Variants in LARP4B observed in about 807,000 individuals in gnomAD.
The protein encoded by LARP4B is la-related protein 4B.
LARP4B carries 12 observed loss-of-function variants against 89.8 expected under a neutral mutation model. That is an observed-to-expected ratio of 0.13 (90% CI 0.09 to 0.22). LARP4B has a LOEUF of 0.22. Among genes scored for constraint, LARP4B ranks in the 10% least tolerant of loss-of-function variants. LARP4B has a pLI of 1.00. For missense variants in LARP4B, 757 were observed against 947.7 expected, an observed-to-expected ratio of 0.80 and a Z score of 2.64; for synonymous variants, 367 against 363.3, an observed-to-expected ratio of 1.01 and a Z score of -0.12.
At chr10:840,052 T>C (rs556608006) in intron 7 of LARP4B, among the ~76,000 whole-genome samples, 1 of 152,106 alleles carries the variant, frequency 6.6e-6, no homozygotes, top group African/African-American at 2.4e-5. Context: ...TACATCAAAT[T>C]TGTAAACACT....
At chr10:933,078 C>G (rs1024012485), upstream of LARP4B, 5 of 152,244 alleles carry the variant, frequency 3.3e-5, no homozygotes, top group Admixed American at 2.0e-4. Flanking sequence ...CTCTACCTAC[C>G]CCTGATCAGT....
chr10:896,370 A>C (rs570384059), intron 1 of LARP4B, among the ~76,000 whole-genome samples: 1 of 152,332 alleles, frequency 6.6e-6, no homozygotes, highest in Admixed American at 6.5e-5. Flanking sequence ...TGACTACCAA[A>C]ATAATAAAAT....
intron 5 of LARP4B, among the ~76,000 whole-genome samples, chr10:856,008 T>G (rs1241985089): frequency 6.6e-6 from 1 of 152,238 alleles, no homozygotes; most frequent in Non-Finnish European, 1.5e-5. Flanking sequence ...AGCTGCAGAT[T>G]CCTATGCACA....
chr10:912,319 C>G (rs1286925127), intron 1 of LARP4B, among the ~76,000 whole-genome samples: 1 of 150,238 alleles, frequency 6.7e-6, no homozygotes, highest in Admixed American at 6.6e-5. Flanking sequence ...AAAAAAAAAT[C>G]GCAAAAAAAA....
At chr10:956,099 G>C in the LARP4B span, among the ~76,000 whole-genome samples, 1 of 142,280 alleles carries the variant, frequency 7.0e-6, no homozygotes, top group Non-Finnish European at 1.5e-5. The surrounding 1 kb of genome is among the most constrained non-coding windows in gnomAD (Gnocchi z 4.3). Flanking sequence ...CACCAAATGG[G>C]CACCTTCTTT....
chr10:880,887 T>A lies in LARP4B; in HGVS notation c.141+3560A>T, dbSNP rs866082314. On this transcript the variant is annotated intron_variant, in intron 3 of 17. Transcript: ENST00000316157. ...CCTAATATTACCTGTCCCTTAAACA[T>A]CATCATTCACTCACATTCCTCTCTC... Among the ~76,000 whole-genome samples, 15 of 152,300 alleles carry A rather than the reference T, an allele frequency of 9.8e-5. No individual in the cohort carries two copies. The Middle Eastern group carries it at 0.01, about 104-fold the overall frequency.
chr10:955,795 A>G, the LARP4B span, among the ~76,000 whole-genome samples: 1 of 152,116 alleles, frequency 6.6e-6, no homozygotes, highest in Admixed American at 6.5e-5. This position sits in a 1 kb window ranked among gnomAD's most constrained non-coding sequence, Gnocchi z 5.2. Flanking sequence ...TGCACTGTTA[A>G]TTAAAAAAAA....
At chr10:912,486 T>C in intron 1 of LARP4B, among the ~76,000 whole-genome samples, 1 of 152,040 alleles carries the variant, frequency 6.6e-6, no homozygotes, top group South Asian at 2.1e-4. Flanking sequence ...AAACTGCAAA[T>C]GTTTTCTTTT....
the LARP4B span, among the ~76,000 whole-genome samples, chr10:975,072 A>G: frequency 1.3e-5 from 2 of 152,256 alleles, no homozygotes; most frequent in Admixed American, 1.3e-4. Context: ...CAGCAGATCA[A>G]ACCAGCACAC....
the LARP4B span, among the ~76,000 whole-genome samples, chr10:944,551 C>T: frequency 1.4e-4 from 21 of 152,330 alleles, 1 homozygote; most frequent in East Asian, 3.9e-3. Flanking sequence ...ACAGCATAGC[C>T]TATGTGCCTG....
At chr10:937,470 A>T in the LARP4B span, among the ~76,000 whole-genome samples, 8 of 152,212 alleles carry the variant, frequency 5.3e-5, no homozygotes, top group African/African-American at 1.9e-4. Flanking sequence ...AAAGCTTATT[A>T]ATTGCTTGTT....
rs12250798 is a variant in LARP4B, at chr10:818,023, A to G, written c.1531-134T>C. 1.5e-3 allele frequency: 1,331 copies of G among 864,398 alleles called. 20 individuals are homozygous for G. In the African/African-American group the frequency reaches 0.02, roughly 13 times the overall value. The allele number at this position is 864,398 out of a possible 1,614,324, so 53.5% of individuals were successfully genotyped here. A position where few individuals can be genotyped will look rare whatever the true frequency, so the allele number is the denominator to read the frequency against. On this transcript the variant is annotated intron_variant, in intron 14 of 17. Transcript: ENST00000316157. ...ACCCAGACAAGGGCTTCCTCACTCA[A>G]TTGAAGGTTCTCCCAAGCAACTTCA... is the stretch of plus-strand genomic sequence containing the variant.
chr10:954,163 C>A, the LARP4B span, among the ~76,000 whole-genome samples: 2 of 152,144 alleles, frequency 1.3e-5, no homozygotes, highest in Non-Finnish European at 2.9e-5. The surrounding 1 kb of genome is among the most constrained non-coding windows in gnomAD (Gnocchi z 5.0). Context: ...TTAGTTTTTG[C>A]GCCATCTGCT....
rs1831692496 is a variant in LARP4B at position 810,191 on chromosome 10, T to C, written c.*2735A>G. 1 of 151,508 alleles carries C rather than the reference T, an allele frequency of 6.6e-6. No homozygotes were observed. The highest frequency in any genetic ancestry group is 6.6e-5 in the Admixed American group (1 of 15,220). 9.4% of individuals were successfully genotyped at this position (151,508 alleles called of 1,614,324 possible). A position where few individuals can be genotyped will look rare whatever the true frequency, so the allele number is the denominator to read the frequency against. The stretch of plus-strand genomic sequence containing the variant: ...GGTGTTAACTTAAAAAAAAAAAAAG[T>C]ATGAAAGCCACTCTCATCGCTGTAT... On this transcript the variant is annotated 3_prime_UTR_variant, in exon 18 of 18. Transcript: ENST00000316157.
intron 3 of LARP4B, among the ~76,000 whole-genome samples, chr10:872,706 C>A (rs1835279396): frequency 6.6e-6 from 1 of 152,148 alleles, no homozygotes; most frequent in African/African-American, 2.4e-5. Context: ...TCAGAAGGCA[C>A]CAGCACACAT....
intron 5 of LARP4B, among the ~76,000 whole-genome samples, chr10:859,640 T>C (rs920266761): frequency 6.6e-6 from 1 of 152,204 alleles, no homozygotes; most frequent in Non-Finnish European, 1.5e-5. Flanking sequence ...TGTCCTTCAG[T>C]AGGTGAATGA....
upstream of LARP4B, among the ~76,000 whole-genome samples, chr10:935,726 T>TC (rs199864929): frequency 0.013 from 1,649 of 128,502 alleles, 21 homozygotes; most frequent in African/African-American, 0.044. Context: ...TCTTTTCTTT[T>TC]TTTTTTTTTT....
chr10:834,538 C>G (rs149541220), intron 8 of LARP4B, among the ~76,000 whole-genome samples: 6 of 152,348 alleles, frequency 3.9e-5, no homozygotes, highest in African/African-American at 1.2e-4. Flanking sequence ...AATAATTATA[C>G]AGAGTCCTTG....
the LARP4B span, among the ~76,000 whole-genome samples, chr10:967,089 A>C: frequency 6.6e-6 from 1 of 152,230 alleles, no homozygotes; most frequent in Non-Finnish European, 1.5e-5. Flanking sequence ...GGATCACGGA[A>C]CAATGTGGCC....
Sources: gnomAD v4.1 joint callset for allele counts (sites outside exome capture counted in the v4.1 genomes callset) on GRCh38, gnomAD v4.1.1 for gene constraint, Gnocchi (gnomAD v3.1) non-coding constraint, MANE v1.5 for transcripts, NCBI Gene and HGNC (gene_info 2026-07-23, HGNC 2026-07-21) for gene names.